Variants in ZMYM1 observed in about 807,000 individuals in gnomAD.
ZMYM1 encodes the protein zinc finger MYM-type protein 1.
A neutral mutation model predicts 60.0 loss-of-function variants in ZMYM1; 39 were observed. The observed-to-expected ratio is 0.65, with a 90% confidence interval of 0.50 to 0.85. The LOEUF (loss-of-function observed/expected upper bound fraction) is 0.85. Ranked by LOEUF, ZMYM1 falls within the 40% of genes least tolerant of loss-of-function variation. The probability of loss-of-function intolerance (pLI) is 0.00; values close to 1 mark genes in which losing one functional copy is unlikely to be tolerated. For synonymous variants in ZMYM1, 413 were observed against 454.0 expected, an observed-to-expected ratio of 0.91 and a Z score of 1.15; for missense variants, 1,171 against 1,309.5, an observed-to-expected ratio of 0.89 and a Z score of 1.63.
chr1:35,094,098 T>A lies in ZMYM1; in HGVS notation c.96+15T>A. 1 of 1,586,954 alleles carries A rather than the reference T, an allele frequency of 6.3e-7. No individual in the cohort carries two copies. Among genetic ancestry groups the A allele is most frequent in the Non-Finnish European group, 8.6e-7 (1 of 1,164,712 alleles). On this transcript the variant is annotated intron_variant, in intron 2 of 9. Transcript: ENST00000359858. ...ACAATGCTCAAGTAAATATTTTCCC[T>A]TATTTCCATTATTTCTAGAGCAGCA...
Position 35,115,105 on chromosome 1 carries a change from G to A in ZMYM1, c.3275G>A (p.Arg1092His), listed in dbSNP as rs79035135. ...STENSFSTLP[R>H]LKTYLCNTMG... Reference sequence around the variant, plus strand: ...GAGAACTCATTTTCTACCCTGCCTCGTCTTAAGACATATTTATGTAATACC... The same window carrying A: ...GAGAACTCATTTTCTACCCTGCCTCATCTTAAGACATATTTATGTAATACC... The change falls in exon 10 of 10, where the codon CGT becomes CAT. Residue 1092 changes from arginine to histidine, a missense_variant. Coordinates refer to ENST00000359858, the MANE Select transcript of ZMYM1 (RefSeq NM_024772.5). 2,463 of 1,613,948 alleles carry A rather than the reference G, an allele frequency of 1.5e-3. 44 individuals carry two copies. In the African/African-American group the frequency reaches 0.028, roughly 18 times the overall value.
chr1:35,113,418 C>A lies in ZMYM1; in HGVS notation c.1588C>A (p.Gln530Lys). 3 of 1,613,658 alleles carry A rather than the reference C, an allele frequency of 1.9e-6. No individual in the cohort carries two copies. Among genetic ancestry groups the A allele is most frequent in the Non-Finnish European group, 2.5e-6 (3 of 1,179,934 alleles). Residue 530 changes from glutamine to lysine, a missense_variant, in exon 10 of 10, where the codon CAA (glutamine) becomes AAA (lysine). Physicochemically the swap from Gln to Lys is moderately conservative, Grantham distance 53. Coordinates refer to ENST00000359858, the MANE Select transcript of ZMYM1 (RefSeq NM_024772.5). Reference protein sequence around the residue: ...LKSLEFWREYQFCDGAVSDDL... With the variant: ...LKSLEFWREYKFCDGAVSDDL... Reference sequence around the variant, plus strand: ...GTCATTGGAATTTTGGAGAGAATACCAATTTTGTGATGGAGCTGTCAGTGA... The same window carrying A: ...GTCATTGGAATTTTGGAGAGAATACAAATTTTGTGATGGAGCTGTCAGTGA...
At chr1:35,107,709 TA>T (rs1245340312) in intron 6 of ZMYM1, among the ~76,000 whole-genome samples, 1 of 152,128 alleles carries the variant, frequency 6.6e-6, no homozygotes, top group Non-Finnish European at 1.5e-5. Flanking sequence ...TTTTTATTTT[TA>T]AAAAGTGGAT....
In ZMYM1 at chr1:35,115,311, T is replaced by C. The variant is rs954476469; in HGVS notation, c.*52T>C. The C allele has an allele frequency of 4.7e-6, 7 of 1,492,372 alleles. No individual in the cohort carries two copies. In the African/African-American group the frequency reaches 9.8e-5, roughly 21 times the overall value. The allele number at this position is 1,492,372 out of a possible 1,614,324, so 92.4% of individuals were successfully genotyped here. On this transcript the variant is annotated 3_prime_UTR_variant, in exon 10 of 10. Coordinates refer to ENST00000359858, the MANE Select transcript of ZMYM1 (RefSeq NM_024772.5). ...AGACTTGTATTTCCATTGGGATGTTTTCATTTCAAAATTGTTCAAAATTCA... is the reference window on the plus strand; with the variant it reads ...AGACTTGTATTTCCATTGGGATGTTCTCATTTCAAAATTGTTCAAAATTCA...
chr1:35,093,887 A>G (rs1643165167), intron 1 of ZMYM1, 27 bp from the exon 2 acceptor site: 1 of 820,756 alleles, frequency 1.2e-6, no homozygotes, highest in African/African-American at 1.8e-5. Context: ...TTTTAAAATC[A>G]AACTCTTTAT....
intron 6 of ZMYM1, 73 bp downstream of exon 6, chr1:35,104,842 G>T: frequency 4.8e-6 from 6 of 1,245,942 alleles, no homozygotes; most frequent in Non-Finnish European, 6.9e-6. Context: ...AATGTGGGAA[G>T]TAGTTTTTGG....
intron 3 of ZMYM1, among the ~76,000 whole-genome samples, chr1:35,096,205 A>G (rs1399708881): frequency 6.6e-6 from 1 of 151,798 alleles, no homozygotes; most frequent in Non-Finnish European, 1.5e-5. Context: ...CCAGCTACTC[A>G]GGAGGCTGAG....
At chr1:35,099,401 A>G (rs1052436661) in intron 4 of ZMYM1, among the ~76,000 whole-genome samples, 5 of 152,194 alleles carry the variant, frequency 3.3e-5, no homozygotes, top group Non-Finnish European at 7.3e-5. Flanking sequence ...TCTTCAGCAG[A>G]TGTCCCAGAC....
At chr1:35,085,889 CTG>C (rs749510759) in intron 1 of ZMYM1, among the ~76,000 whole-genome samples, 148 of 152,166 alleles carry the variant, frequency 9.7e-4, no homozygotes, top group Non-Finnish European at 1.9e-3. Flanking sequence ...CCCACATACT[CTG>C]TGTCTAAATA....
intron 4 of ZMYM1, among the ~76,000 whole-genome samples, chr1:35,101,636 C>T (rs544090619): frequency 6.6e-6 from 1 of 151,606 alleles, no homozygotes; most frequent in Non-Finnish European, 1.5e-5. Flanking sequence ...CTCTTACAAC[C>T]GCCCACCCCC....
At chr1:35,084,585 T>C (rs907574229) in intron 1 of ZMYM1, among the ~76,000 whole-genome samples, 2 of 152,228 alleles carry the variant, frequency 1.3e-5, no homozygotes, top group Admixed American at 6.5e-5. Context: ...CCATTACTCC[T>C]AGGGCAAGGC....
At chr1:35,107,716 T>C (rs753220925) in intron 6 of ZMYM1, among the ~76,000 whole-genome samples, 1 of 152,180 alleles carries the variant, frequency 6.6e-6, no homozygotes, top group South Asian at 2.1e-4. Context: ...TTTTAAAAAG[T>C]GGATTATTAG....
chr1:35,108,642 C>A (rs1237212126), intron 6 of ZMYM1, among the ~76,000 whole-genome samples: 1 of 151,726 alleles, frequency 6.6e-6, no homozygotes, highest in African/African-American at 2.4e-5. Context: ...TGTGAGTCAC[C>A]GTGCCCAGCC....
chr1:35,066,315 A>G (rs971063628), intron 1 of ZMYM1, among the ~76,000 whole-genome samples: 1 of 152,216 alleles, frequency 6.6e-6, no homozygotes, highest in Non-Finnish European at 1.5e-5. Flanking sequence ...CTCCTGCCTC[A>G]GCCTCCCAAG....
At chr1:35,100,613 C>G (rs1643593067) in intron 4 of ZMYM1, among the ~76,000 whole-genome samples, 1 of 149,576 alleles carries the variant, frequency 6.7e-6, no homozygotes, top group Non-Finnish European at 1.5e-5. Context: ...CGGAGTGAGA[C>G]CCTGTCTCAA....
chr1:35,106,375 G>A (rs570519574), intron 6 of ZMYM1, among the ~76,000 whole-genome samples: 6 of 152,156 alleles, frequency 3.9e-5, no homozygotes, highest in Non-Finnish European at 5.9e-5. Context: ...TTGGGAGGCC[G>A]AGGCTGGCCG....
chr1:35,115,692 G>A lies in ZMYM1; in HGVS notation c.*433G>A, dbSNP rs1379749798. 1 of 46,808 alleles carries A rather than the reference G, an allele frequency of 2.1e-5. No homozygotes were observed. The highest frequency in any genetic ancestry group is 7.6e-5 in the Non-Finnish European group (1 of 13,144). 2.9% of individuals were successfully genotyped at this position (46,808 alleles called of 1,614,324 possible). ...TATATAGGTCACATTGCACATGAGT[G>A]AGTTTACTGTAAGCTGGAAATCTAA... On this transcript the variant is annotated 3_prime_UTR_variant, in exon 10 of 10. Coordinates refer to ENST00000359858, the MANE Select transcript of ZMYM1 (RefSeq NM_024772.5).
intron 1 of ZMYM1, among the ~76,000 whole-genome samples, chr1:35,066,957 A>G (rs1641982888): frequency 6.6e-6 from 1 of 152,180 alleles, no homozygotes; most frequent in Non-Finnish European, 1.5e-5. Flanking sequence ...GAAAAAGATC[A>G]AAGTATTTAA....
At chr1:35,090,642 G>A in intron 1 of ZMYM1, among the ~76,000 whole-genome samples, 1 of 152,298 alleles carries the variant, frequency 6.6e-6, no homozygotes, top group East Asian at 1.9e-4. Context: ...TGTGTGATGG[G>A]AAAATAGACT....
Sources: gnomAD v4.1 joint callset for allele counts (sites outside exome capture counted in the v4.1 genomes callset) on GRCh38, gnomAD v4.1.1 for gene constraint, MANE v1.5 for transcripts, NCBI Gene and HGNC (gene_info 2026-07-23, HGNC 2026-07-21) for gene names.